Variants in C10orf90 observed in about 807,000 individuals in gnomAD.
The protein encoded by C10orf90 is (E2-independent) E3 ubiquitin-conjugating enzyme FATS.
A neutral mutation model predicts 62.5 loss-of-function variants in C10orf90; 56 were observed. The observed-to-expected ratio is 0.90, with a 90% CI of 0.72 to 1.12. The LOEUF (loss-of-function observed/expected upper bound fraction) is 1.12. Among genes scored for constraint, C10orf90 ranks in the 50% most tolerant of loss-of-function variants. The probability of loss-of-function intolerance (pLI) is 0.00; values close to 1 mark genes in which losing one functional copy is unlikely to be tolerated. For missense variants in C10orf90, 970 were observed against 880.4 expected (o/e 1.10, Z -1.29); for synonymous variants, 386 against 340.4 (o/e 1.13, Z -1.47).
intron 7 of C10orf90, among the ~76,000 whole-genome samples, chr10:126,436,799 G>T (rs1857949633): frequency 6.6e-6 from 1 of 152,026 alleles, no homozygotes; most frequent in Non-Finnish European, 1.5e-5. Flanking sequence ...GAATAGCAGG[G>T]TTTTTGTTGT....
At chr10:126,486,246 A>C (rs1364361592) in intron 4 of C10orf90, among the ~76,000 whole-genome samples, 4 of 152,230 alleles carry the variant, frequency 2.6e-5, no homozygotes, top group African/African-American at 9.6e-5. Context: ...CCAAAAGTTC[A>C]CACAACCTGC....
At chr10:126,619,764 TAA>T (rs986267934) in intron 2 of C10orf90, among the ~76,000 whole-genome samples, 3 of 152,128 alleles carry the variant, frequency 2.0e-5, no homozygotes, top group African/African-American at 4.8e-5. Flanking sequence ...CTCAGCATTC[TAA>T]GTAGCTGGAA....
intron 2 of C10orf90, among the ~76,000 whole-genome samples, chr10:126,613,790 T>C (rs1386284195): frequency 2.0e-5 from 3 of 152,180 alleles, no homozygotes; most frequent in African/African-American, 7.2e-5. Context: ...AGGGAAACCC[T>C]TCCCTCTGGA....
In C10orf90 at chr10:126,425,768, T is replaced by C; in HGVS notation, c.*96A>G. 7.7e-7 allele frequency: 1 copy of C among 1,298,988 alleles called. No homozygotes were observed. The highest frequency in any genetic ancestry group is 1.1e-6 in the Non-Finnish European group (1 of 948,404). The allele number at this position is 1,298,988 out of a possible 1,614,324, so 80.5% of individuals were successfully genotyped here. ...AAAAAAATCGAAAGTAAAATAAGTG[T>C]TTTCCCATGATGAAGATAATGCTAA... On this transcript the variant is annotated 3_prime_UTR_variant, in exon 10 of 10. Transcript: ENST00000488181.
At chr10:126,583,844 G>A (rs534732329) in intron 2 of C10orf90, among the ~76,000 whole-genome samples, 16 of 152,280 alleles carry the variant, frequency 1.1e-4, no homozygotes, top group African/African-American at 3.6e-4. Context: ...TGCTGGGTGC[G>A]GTGGCTTACA....
chr10:126,532,318 C>T (rs748668927), intron 2 of C10orf90, among the ~76,000 whole-genome samples: 4 of 152,056 alleles, frequency 2.6e-5, no homozygotes, highest in Non-Finnish European at 4.4e-5. Context: ...TAAATGTGAT[C>T]GTCTAAGAGG....
chr10:126,504,272 C>G lies in C10orf90; in HGVS notation c.1219G>C (p.Val407Leu). The change falls in exon 4 of 10, where the codon GTG becomes CTG. Residue 407 changes from valine (V) to leucine (L), a missense_variant. Val to Leu is a conservative substitution (Grantham distance 32). Transcript: ENST00000488181. This position sits in a 1 kb window ranked among gnomAD's most constrained non-coding sequence, Gnocchi z 4.1. ...RLTADGVDGL[V>L]NREPISEALK... The stretch of plus-strand genomic sequence containing the variant: ...GCTTCGCTTATTGGCTCTCTGTTCA[C>G]TAGGCCATCTACTCCATCTGCTGTT... 6.2e-7 allele frequency: 1 copy of G among 1,614,206 alleles called. No homozygotes were observed. The highest frequency in any genetic ancestry group is 8.5e-7 in the Non-Finnish European group (1 of 1,180,048).
At chr10:126,514,297 A>G (rs1863307166) in intron 2 of C10orf90, among the ~76,000 whole-genome samples, 1 of 152,200 alleles carries the variant, frequency 6.6e-6, no homozygotes, top group African/African-American at 2.4e-5. Context: ...CAACATCACT[A>G]GAGCTAAGAA....
intron 5 of C10orf90, among the ~76,000 whole-genome samples, chr10:126,464,399 C>T (rs1860163003): frequency 6.6e-6 from 1 of 152,164 alleles, no homozygotes; most frequent in Non-Finnish European, 1.5e-5. Flanking sequence ...TCCAACCTTC[C>T]TTAGCTGAGC....
chr10:126,564,228 C>T (rs1227686300), intron 2 of C10orf90, among the ~76,000 whole-genome samples: 3 of 152,054 alleles, frequency 2.0e-5, no homozygotes. Flanking sequence ...CCTCTCCACG[C>T]TGAGCATTTT....
chr10:126,653,441 A>C (rs1210003945), intron 1 of C10orf90, among the ~76,000 whole-genome samples: 1 of 152,240 alleles, frequency 6.6e-6, no homozygotes. Flanking sequence ...CATCTCAAGA[A>C]ACAATTTTCT....
intron 1 of C10orf90, among the ~76,000 whole-genome samples, chr10:126,663,020 C>T (rs552232700): frequency 6.6e-6 from 1 of 152,294 alleles, no homozygotes; most frequent in Non-Finnish European, 1.5e-5. Context: ...CACAGTAGGT[C>T]CTTAATACAT....
chr10:126,508,158 T>TGAGTGAGA (rs1554903861), intron 3 of C10orf90, among the ~76,000 whole-genome samples: 2 of 131,468 alleles, frequency 1.5e-5, no homozygotes, highest in Non-Finnish European at 1.6e-5. Context: ...AATGAGTGAG[T>TGAGTGAGA]GAGAGAGAGA....
chr10:126,485,823 T>C (rs914332834), intron 4 of C10orf90, among the ~76,000 whole-genome samples: 2 of 150,990 alleles, frequency 1.3e-5, no homozygotes, highest in African/African-American at 4.9e-5. Flanking sequence ...GGTGGGCACC[T>C]GTAGTCCCAG....
At chr10:126,526,200 C>A (rs1863939217) in intron 2 of C10orf90, among the ~76,000 whole-genome samples, 1 of 152,138 alleles carries the variant, frequency 6.6e-6, no homozygotes, top group South Asian at 2.1e-4. Flanking sequence ...CTAAACACAG[C>A]CCTTCCTGAT....
At chr10:126,488,555 CAAT>C (rs1454966592) in intron 4 of C10orf90, among the ~76,000 whole-genome samples, 2 of 151,040 alleles carry the variant, frequency 1.3e-5, no homozygotes, top group Non-Finnish European at 3.0e-5. Flanking sequence ...TAGAGAAAAT[CAAT>C]AAAATAAAAC....
At chr10:126,536,302 T>C (rs1864235201) in intron 2 of C10orf90, among the ~76,000 whole-genome samples, 1 of 152,180 alleles carries the variant, frequency 6.6e-6, no homozygotes, top group Admixed American at 6.5e-5. Flanking sequence ...CTCCCTGTCA[T>C]GGTAAAACAC....
At chr10:126,524,723 G>C in intron 2 of C10orf90, 1 of 985,690 alleles carries the variant, frequency 1.0e-6, no homozygotes, top group Non-Finnish European at 1.2e-6. Context: ...GCGAGGCAAG[G>C]AGTGCACGCA....
chr10:126,619,333 T>A (rs760660090), intron 2 of C10orf90, among the ~76,000 whole-genome samples: 2 of 152,234 alleles, frequency 1.3e-5, no homozygotes, highest in Non-Finnish European at 2.9e-5. Flanking sequence ...TCACTTGGCA[T>A]AGAGCATCAG....
Sources: allele counts gnomAD v4.1 joint callset (sites outside exome capture counted in the v4.1 genomes callset), GRCh38; gene constraint gnomAD v4.1.1; non-coding constraint Gnocchi (gnomAD v3.1); transcripts MANE v1.5; gene names NCBI Gene and HGNC (gene_info 2026-07-23, HGNC 2026-07-21).